FARP1: variants seen among roughly 807,000 people sequenced by gnomAD.
FARP1 encodes the protein FERM, ARHGEF and pleckstrin domain-containing protein 1.
A neutral mutation model predicts 128.8 loss-of-function variants in FARP1; 52 were observed. That is an observed-to-expected ratio of 0.40 (90% CI 0.32 to 0.51). FARP1 has a LOEUF of 0.51. Ranked by LOEUF, FARP1 falls within the 20% of genes least tolerant of loss-of-function variation. FARP1 has a pLI of 0.45. For missense variants in FARP1, 1,333 were observed against 1,367.9 expected, an observed-to-expected ratio of 0.97 and a Z score of 0.40; for synonymous variants, 580 against 551.8, an observed-to-expected ratio of 1.05 and a Z score of -0.72.
chr13:98,287,251 G>A (rs1830341548), intron 2 of FARP1, among the ~76,000 whole-genome samples: 1 of 60,758 alleles, frequency 1.6e-5, no homozygotes, highest in Non-Finnish European at 3.1e-5. Flanking sequence ...TTTTTTTTGA[G>A]ATGGAGTCTT....
chr13:98,241,875 C>T (rs747044225), intron 2 of FARP1, among the ~76,000 whole-genome samples: 4 of 152,024 alleles, frequency 2.6e-5, no homozygotes, highest in South Asian at 2.1e-4. Context: ...GCCGAGATTG[C>T]GCCACTGCAC....
chr13:98,396,105 A>G (rs1890534478), intron 13 of FARP1: 1 of 399,142 alleles, frequency 2.5e-6, no homozygotes, highest in Non-Finnish European at 4.4e-6. Flanking sequence ...GCCAGGTAGC[A>G]TTTACCCCGG....
chr13:98,262,648 T>A (rs1315233395), intron 2 of FARP1, among the ~76,000 whole-genome samples: 1 of 152,258 alleles, frequency 6.6e-6, no homozygotes, highest in East Asian at 1.9e-4. Context: ...CGAATGGTCA[T>A]ATTCACTAGC....
At chr13:98,214,878 G>A (rs1328681265) in intron 2 of FARP1, among the ~76,000 whole-genome samples, 11 of 152,182 alleles carry the variant, frequency 7.2e-5, no homozygotes, top group African/African-American at 2.4e-4. Flanking sequence ...GTCCGTATGT[G>A]CGCCACCTCA....
At chr13:98,241,110 A>T (rs1036978736) in intron 2 of FARP1, among the ~76,000 whole-genome samples, 4 of 152,230 alleles carry the variant, frequency 2.6e-5, no homozygotes, top group African/African-American at 9.6e-5. Flanking sequence ...GTATGGGGTG[A>T]ACGAAATTCT....
intron 21 of FARP1, among the ~76,000 whole-genome samples, chr13:98,439,688 G>T (rs1892443358): frequency 6.6e-6 from 1 of 152,188 alleles, no homozygotes; most frequent in Non-Finnish European, 1.5e-5. Flanking sequence ...CCTGGGATGT[G>T]GCCCTTTGGC....
In FARP1 at chr13:98,450,039, A is replaced by ATGATTGAT. The variant is rs60259286; in HGVS notation, c.*1728_*1735dup. On this transcript the variant is annotated 3_prime_UTR_variant, in exon 27 of 27. Coordinates refer to ENST00000319562, the MANE Select transcript of FARP1 (RefSeq NM_005766.4). The stretch of plus-strand genomic sequence containing the variant: ...AGTCTCCTCAGCTATTTATTTCTGA[A>ATGATTGAT]TGATTGATTGATTCCAAACTACTTG... 9 of 151,980 alleles carry ATGATTGAT rather than the reference A, an allele frequency of 5.9e-5. No homozygotes were observed. Among genetic ancestry groups the ATGATTGAT allele is most frequent in the African/African-American group, 7.2e-5 (3 of 41,470 alleles). 9.4% of individuals were successfully genotyped at this position (151,980 alleles called of 1,614,324 possible). A position where few individuals can be genotyped will look rare whatever the true frequency, so the allele number is the denominator to read the frequency against.
chr13:98,294,905 T>C (rs531179587), intron 2 of FARP1, among the ~76,000 whole-genome samples: 132 of 151,586 alleles, frequency 8.7e-4, no homozygotes, highest in Non-Finnish European at 1.4e-3. Context: ...TAATTCCAGC[T>C]ACTGGGGAAG....
chr13:98,175,834 A>G (rs1469801965), intron 1 of FARP1: 3 of 294,606 alleles, frequency 1.0e-5, no homozygotes, highest in Non-Finnish European at 1.3e-5. Flanking sequence ...TTCAAGGTTC[A>G]TTCTAGTTGT....
intron 2 of FARP1, among the ~76,000 whole-genome samples, chr13:98,308,324 C>T (rs1204687038): frequency 6.6e-6 from 1 of 152,140 alleles, no homozygotes; most frequent in African/African-American, 2.4e-5. Flanking sequence ...TCTCGTGCTC[C>T]CTCAGGGGCA....
chr13:98,333,629 G>A, intron 2 of FARP1: 1 of 152,324 alleles, frequency 6.6e-6, no homozygotes. Flanking sequence ...AACCTAATCT[G>A]AAGTGTGTTT....
intron 2 of FARP1, among the ~76,000 whole-genome samples, chr13:98,289,568 A>G (rs1885353197): frequency 6.6e-6 from 1 of 152,170 alleles, no homozygotes; most frequent in South Asian, 2.1e-4. Context: ...CTACGTCTAG[A>G]TCTCATGCAA....
chr13:98,378,849 A>C (rs919835952), intron 6 of FARP1, among the ~76,000 whole-genome samples: 7 of 144,306 alleles, frequency 4.9e-5, no homozygotes, highest in African/African-American at 1.5e-4. Context: ...CAAGAAAAAA[A>C]CAAAAAAATA....
chr13:98,182,971 T>C (rs936451471), intron 1 of FARP1, among the ~76,000 whole-genome samples: 2 of 152,264 alleles, frequency 1.3e-5, no homozygotes, highest in African/African-American at 4.8e-5. Flanking sequence ...TATGTCACTT[T>C]CCTGGTATGT....
chr13:98,161,904 T>C (rs9513365), intron 1 of FARP1, among the ~76,000 whole-genome samples: 36,920 of 152,022 alleles, frequency 0.24, 4,644 homozygotes, highest in Middle Eastern at 0.35. Context: ...CTCAGCCTCT[T>C]AAGTAGCTGG....
chr13:98,151,103 G>A (rs1294860729), intron 1 of FARP1, among the ~76,000 whole-genome samples: 1 of 150,186 alleles, frequency 6.7e-6, no homozygotes, highest in East Asian at 2.0e-4. Context: ...ATCTCTTAGC[G>A]TCCCACTCTG....
chr13:98,296,338 C>G (rs1031073654), intron 2 of FARP1, among the ~76,000 whole-genome samples: 2 of 152,158 alleles, frequency 1.3e-5, no homozygotes, highest in African/African-American at 4.8e-5. Flanking sequence ...TGCGCACACT[C>G]TCCTTTCTGC....
At chr13:98,399,398 AACCTTCT>A (rs755655802) in intron 13 of FARP1, 2 of 152,108 alleles carry the variant, frequency 1.3e-5, no homozygotes, top group Non-Finnish European at 2.9e-5. Flanking sequence ...CCACCCTCCA[AACCTTCT>A]GACTTTGGGG....
intron 6 of FARP1, among the ~76,000 whole-genome samples, chr13:98,383,364 G>C (rs1463213680): frequency 6.6e-6 from 1 of 152,230 alleles, no homozygotes; most frequent in Non-Finnish European, 1.5e-5. Flanking sequence ...TTAGGAAATA[G>C]TGTTGTTGGT....
Sources: allele counts gnomAD v4.1 joint callset (sites outside exome capture counted in the v4.1 genomes callset), GRCh38; gene constraint gnomAD v4.1.1; transcripts MANE v1.5; gene names NCBI Gene and HGNC (gene_info 2026-07-23, HGNC 2026-07-21).